KRR1: variants seen among roughly 807,000 people sequenced by gnomAD.
KRR1 encodes KRR1 small subunit processome component.
KRR1 carries 23 observed loss-of-function variants against 50.0 expected under a neutral mutation model. The ratio of observed to expected loss-of-function variants is 0.46; its 90% CI spans 0.33 to 0.65. The LOEUF (loss-of-function observed/expected upper bound fraction) is 0.65, where lower values mean the gene tolerates loss of function less well. Ranked by LOEUF, KRR1 falls within the 30% of genes least tolerant of loss-of-function variation. The probability of loss-of-function intolerance (pLI) is 0.02; values close to 1 mark genes in which losing one functional copy is unlikely to be tolerated. For missense variants in KRR1, 419 were observed against 442.4 expected, an observed-to-expected ratio of 0.95 and a Z score of 0.47; for synonymous variants, 133 against 146.3, an observed-to-expected ratio of 0.91 and a Z score of 0.66.
chr12:75,503,952 A>C lies in KRR1; in HGVS notation c.783T>G (p.Thr261=). The C allele has an allele frequency of 1.2e-6, 2 of 1,611,586 alleles. No homozygotes were observed. Among genetic ancestry groups the C allele is most frequent in the Non-Finnish European group, 1.7e-6 (2 of 1,178,430 alleles). Residue 261 remains threonine (T), a synonymous_variant, in exon 7 of 10, where the codon ACT becomes ACG. Coordinates refer to ENST00000229214, the MANE Select transcript of KRR1 (RefSeq NM_007043.7). ...VNKRKEPKKK[T]VKKEYTPFPP... is the part of the protein sequence containing the mutation. ...GGAATGGCGTATATTCTTTCTTAAC[A>C]GTTTTTTTCTTTGGTTCCTTGCGTT...
In KRR1 at chr12:75,498,959, A is replaced by T; in HGVS notation, c.*850T>A. 6.3e-7 allele frequency: 1 copy of T among 1,599,382 alleles called. No homozygotes were observed. The highest frequency in any genetic ancestry group is 8.5e-7 in the Non-Finnish European group (1 of 1,174,410). On this transcript the variant is annotated 3_prime_UTR_variant, in exon 10 of 10. Coordinates refer to ENST00000229214, the MANE Select transcript of KRR1 (RefSeq NM_007043.7). Reference sequence around the variant, plus strand: ...ATTTTGGTACAGCACAAGTACCCTAATTTAGTTCTTTTGGACTAATACAAT... The same window carrying T: ...ATTTTGGTACAGCACAAGTACCCTATTTTAGTTCTTTTGGACTAATACAAT...
In KRR1 at chr12:75,495,810, C is replaced by T. The variant is rs1407918208; in HGVS notation, c.*3999G>A. The T allele has an allele frequency of 4.0e-6, 2 of 501,672 alleles. No individual in the cohort carries two copies. The highest frequency in any genetic ancestry group is 4.0e-5 in the African/African-American group (2 of 50,460). 31.1% of individuals were successfully genotyped at this position (501,672 alleles called of 1,614,324 possible). A position where few individuals can be genotyped will look rare whatever the true frequency, so the allele number is the denominator to read the frequency against. On this transcript the variant is annotated 3_prime_UTR_variant, in exon 10 of 10. Transcript: ENST00000229214. ...GCAATTAAACCAATGGCTTACTGTT[C>T]TAGGAATACATTTAAGAGAAATTTA... is the stretch of plus-strand genomic sequence containing the variant.
At chr12:75,501,674 G>A (rs1472752812) in intron 9 of KRR1, 49 bp downstream of exon 9, 3 of 1,214,938 alleles carry the variant, frequency 2.5e-6, no homozygotes, top group Admixed American at 3.9e-5. Flanking sequence ...TTTATTATGG[G>A]TTTACTTTTC....
rs1208763555 is a variant in KRR1, at chr12:75,494,683, G to A, written c.*5126C>T. 6.6e-6 allele frequency: 1 copy of A among 152,126 alleles called. No individual in the cohort carries two copies. The highest frequency in any genetic ancestry group is 6.5e-5 in the Admixed American group (1 of 15,278). The allele number at this position is 152,126 out of a possible 1,614,324, so 9.4% of individuals were successfully genotyped here. ...GGGTACGATTACACAAAAAAGTTTA[G>A]AACTTTTTCCAAAAGCAGAGTTCCA... On this transcript the variant is annotated 3_prime_UTR_variant, in exon 10 of 10. Transcript: ENST00000229214.
Position 75,494,496 on chromosome 12 carries a change from G to T in KRR1, c.*5313C>A, listed in dbSNP as rs922569989. The T allele has an allele frequency of 1.3e-5, 2 of 152,136 alleles. No individual in the cohort carries two copies. Among genetic ancestry groups the T allele is most frequent in the South Asian group, 2.1e-4 (1 of 4,828 alleles). 9.4% of individuals were successfully genotyped at this position (152,136 alleles called of 1,614,324 possible). ...GCATTGAAACTAATAGCCCCCGGTA[G>T]ATCTTAATAGAGAAGCACATATTAC... On this transcript the variant is annotated 3_prime_UTR_variant, in exon 10 of 10. Transcript: ENST00000229214.
rs2046375054 is a variant in KRR1 at position 75,499,486 on chromosome 12, C to A, written c.*323G>T. 1 of 170,690 alleles carries A rather than the reference C, an allele frequency of 5.9e-6. No homozygotes were observed. The highest frequency in any genetic ancestry group is 1.2e-5 in the Non-Finnish European group (1 of 81,632). The allele number at this position is 170,690 out of a possible 1,614,324, so 10.6% of individuals were successfully genotyped here. On this transcript the variant is annotated 3_prime_UTR_variant, in exon 10 of 10. Transcript: ENST00000229214. ...AAACCAAACTTTCAAAAGGGATAAACCTAAATATTTACTTGTTATCATTAG... is the reference window on the plus strand; with the variant it reads ...AAACCAAACTTTCAAAAGGGATAAAACTAAATATTTACTTGTTATCATTAG...
chr12:75,500,640 A>G (rs1341257896), intron 9 of KRR1: 1 of 151,914 alleles, frequency 6.6e-6, no homozygotes, highest in Non-Finnish European at 1.5e-5. Flanking sequence ...CCCTAATAGA[A>G]GCCAACTATC....
Position 75,506,607 on chromosome 12 carries a change from T to C in KRR1, c.396A>G (p.Ala132=), listed in dbSNP as rs770685374. 6.8e-6 allele frequency: 10 copies of C among 1,475,546 alleles called. No homozygotes were observed. In the East Asian group the frequency reaches 1.9e-4, roughly 28 times the overall value. 91.4% of individuals were successfully genotyped at this position (1,475,546 alleles called of 1,614,324 possible). The change falls in exon 4 of 10, where the codon GCA becomes GCG. Residue 132 remains alanine, a splice_region_variant and synonymous_variant. Transcript: ENST00000229214. ...LLARSVSFEQ[A]VRILQDDVAC... Reference sequence around the variant, plus strand: ...CAACATCATCCTGAAGAATTCGTACTGCCTTTTGCAAAAAAAAAAAAAAAA... The same window carrying C: ...CAACATCATCCTGAAGAATTCGTACCGCCTTTTGCAAAAAAAAAAAAAAAA...
Position 75,499,752 on chromosome 12 carries a change from G to T in KRR1, c.*57C>A. 3 of 1,365,092 alleles carry T rather than the reference G, an allele frequency of 2.2e-6. No homozygotes were observed. Among genetic ancestry groups the T allele is most frequent in the Non-Finnish European group, 3.0e-6 (3 of 1,015,914 alleles). The allele number at this position is 1,365,092 out of a possible 1,614,324, so 84.6% of individuals were successfully genotyped here. On this transcript the variant is annotated 3_prime_UTR_variant, in exon 10 of 10. Coordinates refer to ENST00000229214, the MANE Select transcript of KRR1 (RefSeq NM_007043.7). ...CTCACAAATAAGGCAACTAATGCCT[G>T]ATATCTCAAAATCCTTTACAAAAGG...
Position 75,498,553 on chromosome 12 carries a change from G to C in KRR1, c.*1256C>G, listed in dbSNP as rs1034823150. 4.7e-6 allele frequency: 3 copies of C among 636,650 alleles called. No homozygotes were observed. The highest frequency in any genetic ancestry group is 8.2e-6 in the Non-Finnish European group (3 of 367,116). The allele number at this position is 636,650 out of a possible 1,614,324, so 39.4% of individuals were successfully genotyped here. A position where few individuals can be genotyped will look rare whatever the true frequency, so the allele number is the denominator to read the frequency against. On this transcript the variant is annotated 3_prime_UTR_variant, in exon 10 of 10. Transcript: ENST00000229214. Reference sequence around the variant, plus strand: ...TAATTCAGTCAGTTCAAAAAGTTTTGAATAATTAAACTTGGAAAGTCACTG... The same window carrying C: ...TAATTCAGTCAGTTCAAAAAGTTTTCAATAATTAAACTTGGAAAGTCACTG...
In KRR1 at chr12:75,499,967, G is replaced by A; in HGVS notation, c.1004-16C>T. 2 of 1,577,546 alleles carry A rather than the reference G, an allele frequency of 1.3e-6. No homozygotes were observed. Among genetic ancestry groups the A allele is most frequent in the Non-Finnish European group, 1.7e-6 (2 of 1,165,300 alleles). ...TCAGTAGAAGCTAGACAAATTAAAA[G>A]CACAACACATGTAATACTTTAGATT... is the stretch of plus-strand genomic sequence containing the variant. On this transcript the variant is annotated splice_polypyrimidine_tract_variant and intron_variant, in intron 9 of 9. Transcript: ENST00000229214.
rs918417322 is a variant in KRR1, at chr12:75,493,326, T to C, written c.*6483A>G. 4 of 152,204 alleles carry C rather than the reference T, an allele frequency of 2.6e-5. No homozygotes were observed. The highest frequency in any genetic ancestry group is 9.6e-5 in the African/African-American group (4 of 41,452). The allele number at this position is 152,204 out of a possible 1,614,324, so 9.4% of individuals were successfully genotyped here. The stretch of plus-strand genomic sequence containing the variant: ...TCTGCCCTCTGAGGTATTATTTTCC[T>C]ATACACAAAAAGTTGTAGGCCCCCA... On this transcript the variant is annotated 3_prime_UTR_variant, in exon 10 of 10. Transcript: ENST00000229214.
In KRR1 at chr12:75,499,837, T is replaced by A; in HGVS notation, c.1118A>T (p.Asp373Val). Residue 373 changes from aspartate to valine, a missense_variant, in exon 10 of 10, where the codon GAT (aspartate) becomes GTT (valine). Coordinates refer to ENST00000229214, the MANE Select transcript of KRR1 (RefSeq NM_007043.7). ...CTTTTTTTTCTTCTTTTTCTTTTCA[T>A]CTGCCTCCATCTTAAGTGCAATTTC... Reference protein sequence around the residue: ...AEEIALKMEADEKKKKKKK With the variant: ...AEEIALKMEAVEKKKKKKK The A allele has an allele frequency of 6.2e-7, 1 of 1,604,774 alleles. No homozygotes were observed. Among genetic ancestry groups the A allele is most frequent in the East Asian group, 2.2e-5 (1 of 44,522 alleles).
Position 75,491,776 on chromosome 12 carries a change from T to G in KRR1, c.*8033A>C, listed in dbSNP as rs1383191878. 1 of 152,086 alleles carries G rather than the reference T, an allele frequency of 6.6e-6. No individual in the cohort carries two copies. The highest frequency in any genetic ancestry group is 2.4e-5 in the African/African-American group (1 of 41,372). The allele number at this position is 152,086 out of a possible 1,614,324, so 9.4% of individuals were successfully genotyped here. A position where few individuals can be genotyped will look rare whatever the true frequency, so the allele number is the denominator to read the frequency against. On this transcript the variant is annotated 3_prime_UTR_variant, in exon 10 of 10. Transcript: ENST00000229214. ...TCATGTGGGCTGACCATTTTTCTAC[T>G]AGATTTTCTTATTTATAAAAGTTTT...
intron 1 of KRR1, among the ~76,000 whole-genome samples, chr12:75,510,467 C>A (rs993908739): frequency 6.6e-6 from 1 of 152,126 alleles, no homozygotes; most frequent in Non-Finnish European, 1.5e-5. Flanking sequence ...TAAAACTACA[C>A]CCGCAAGTAT....
rs1039922779 is a variant in KRR1, at chr12:75,495,316, C to T, written c.*4493G>A. ...TACATCTTTTGTCTCATCTGTAAAA[C>T]AAGAATAACTTCCTCTCAGAGCTGT... On this transcript the variant is annotated 3_prime_UTR_variant, in exon 10 of 10. Coordinates refer to ENST00000229214, the MANE Select transcript of KRR1 (RefSeq NM_007043.7). 1.8e-5 allele frequency: 6 copies of T among 341,036 alleles called. No homozygotes were observed. Among genetic ancestry groups the T allele is most frequent in the Non-Finnish European group, 3.3e-5 (6 of 182,986 alleles). 21.1% of individuals were successfully genotyped at this position (341,036 alleles called of 1,614,324 possible).
chr12:75,509,175 AT>A (rs1163935418), intron 1 of KRR1, among the ~76,000 whole-genome samples: 1 of 152,176 alleles, frequency 6.6e-6, no homozygotes. Context: ...AAAACTCTTG[AT>A]CTTGAATTTG....
At chr12:75,506,293 C>A (rs376654417) in intron 5 of KRR1, 23 bp downstream of exon 5, 45 of 1,420,702 alleles carry the variant, frequency 3.2e-5, no homozygotes, top group Non-Finnish European at 3.9e-5. Flanking sequence ...GAAAATGAAT[C>A]GAAGATAATA....
chr12:75,499,068 T>C lies in KRR1; in HGVS notation c.*741A>G. On this transcript the variant is annotated 3_prime_UTR_variant, in exon 10 of 10. Transcript: ENST00000229214. The stretch of plus-strand genomic sequence containing the variant: ...ATAACAATTAGGTGTACTTCTATTT[T>C]AAAACATTTCAGAAAAAAATATATG... The C allele has an allele frequency of 1.3e-6, 1 of 795,976 alleles. No individual in the cohort carries two copies. The highest frequency in any genetic ancestry group is 1.9e-6 in the Non-Finnish European group (1 of 523,806). 49.3% of individuals were successfully genotyped at this position (795,976 alleles called of 1,614,324 possible).
Sources: allele counts gnomAD v4.1 joint callset (sites outside exome capture counted in the v4.1 genomes callset), GRCh38; gene constraint gnomAD v4.1.1; transcripts MANE v1.5; gene names NCBI Gene and HGNC (gene_info 2026-07-23, HGNC 2026-07-21).